Variants in COL5A2 observed in about 807,000 individuals in gnomAD.
COL5A2 encodes collagen alpha-2(V) chain.
In COL5A2, 23 loss-of-function variants were observed where a neutral mutation model predicts 208.2. The ratio of observed to expected loss-of-function variants is 0.11; its 90% CI spans 0.08 to 0.16. The LOEUF (loss-of-function observed/expected upper bound fraction) is 0.16, where lower values mean the gene tolerates loss of function less well. COL5A2 is among the 10% of genes least tolerant of loss of function. COL5A2 has a pLI of 1.00. For missense variants in COL5A2, 1,590 were observed against 1,956.4 expected (o/e 0.81, Z 3.53); for synonymous variants, 625 against 628.5 (o/e 0.99, Z 0.08).
Position 189,051,448 on chromosome 2 carries a change from G to A in COL5A2, c.2803C>T (p.Pro935Ser), listed in dbSNP as rs2105559390. ...APGPAGPLGE[P>S]GKEGPPGLRG... Reference sequence around the variant, plus strand: ...AGACCTGGAGGTCCCTCCTTCCCGGGTTCCCCTAGGGGTCCCGCAGGTCCT... The same window carrying A: ...AGACCTGGAGGTCCCTCCTTCCCGGATTCCCCTAGGGGTCCCGCAGGTCCT... Residue 935 changes from proline to serine, a missense_variant, in exon 42 of 54, where the codon CCC (proline) becomes TCC (serine). By Grantham distance (74) the Pro-to-Ser change is moderately conservative. Transcript: ENST00000374866. 6.2e-7 allele frequency: 1 copy of A among 1,612,274 alleles called. No homozygotes were observed. The highest frequency in any genetic ancestry group is 8.5e-7 in the Non-Finnish European group (1 of 1,179,012).
chr2:189,101,609 C>T (rs1257834231), intron 3 of COL5A2, among the ~76,000 whole-genome samples: 1 of 152,066 alleles, frequency 6.6e-6, no homozygotes, highest in African/African-American at 2.4e-5. Context: ...ACCCATATCA[C>T]CAAATTGTAC....
chr2:189,033,915 T>C lies in COL5A2; in HGVS notation c.*155A>G. The C allele has an allele frequency of 1.1e-6, 1 of 883,934 alleles. No individual in the cohort carries two copies. The highest frequency in any genetic ancestry group is 1.8e-6 in the Non-Finnish European group (1 of 543,926). The allele number at this position is 883,934 out of a possible 1,614,324, so 54.8% of individuals were successfully genotyped here. A position where few individuals can be genotyped will look rare whatever the true frequency, so the allele number is the denominator to read the frequency against. On this transcript the variant is annotated 3_prime_UTR_variant, in exon 54 of 54. Coordinates refer to ENST00000374866, the MANE Select transcript of COL5A2 (RefSeq NM_000393.5). ...TAAGTAAAATAAATATTCTGAAGGA[T>C]AAGGAGGCCAGGCACTTAAGACCAT... is the stretch of plus-strand genomic sequence containing the variant.
chr2:189,353,870 T>C, the COL5A2 span, among the ~76,000 whole-genome samples: 1 of 152,216 alleles, frequency 6.6e-6, no homozygotes, highest in Non-Finnish European at 1.5e-5. Context: ...TTATGCCGGT[T>C]TTCAAAGGGA....
intron 1 of COL5A2, among the ~76,000 whole-genome samples, chr2:189,189,275 G>A (rs1057073568): frequency 1.3e-5 from 2 of 152,040 alleles, no homozygotes; most frequent in Non-Finnish European, 2.9e-5. Flanking sequence ...AATGGGAGAC[G>A]GCCAGCAGTG....
chr2:189,094,006 A>T (rs1324461170), intron 6 of COL5A2, among the ~76,000 whole-genome samples: 1 of 152,244 alleles, frequency 6.6e-6, no homozygotes, highest in Non-Finnish European at 1.5e-5. Context: ...AGAGTTCCAA[A>T]GAGACATACA....
At chr2:189,165,582 A>G (rs1172859558) in intron 1 of COL5A2, among the ~76,000 whole-genome samples, 1 of 152,234 alleles carries the variant, frequency 6.6e-6, no homozygotes, top group Non-Finnish European at 1.5e-5. Context: ...GTGCCCATTA[A>G]GGCCATGCAT....
At chr2:189,208,263 G>A (rs1689165357) in intron 1 of COL5A2, among the ~76,000 whole-genome samples, 1 of 152,132 alleles carries the variant, frequency 6.6e-6, no homozygotes, top group African/African-American at 2.4e-5. Context: ...CAGGAACCAA[G>A]GATGTTTTGT....
At chr2:189,430,031 C>A in the COL5A2 span, among the ~76,000 whole-genome samples, 1 of 152,150 alleles carries the variant, frequency 6.6e-6, no homozygotes, top group Admixed American at 6.5e-5. Flanking sequence ...AATGTATTTA[C>A]TGGCATTGAC....
upstream of COL5A2, chr2:189,179,935 T>G: frequency 1.9e-6 from 1 of 520,078 alleles, no homozygotes. Context: ...GAACTTTCCC[T>G]ATTTCATTTA....
chr2:189,039,816 C>A (rs1312502359), intron 50 of COL5A2, among the ~76,000 whole-genome samples: 3 of 151,908 alleles, frequency 2.0e-5, no homozygotes, highest in African/African-American at 4.8e-5. Flanking sequence ...AAGATCAAAG[C>A]ACAAAATATT....
chr2:189,068,303 A>G (rs535303205), intron 19 of COL5A2, 33 bp from the exon 20 acceptor site: 51 of 1,530,584 alleles, frequency 3.3e-5, no homozygotes, highest in Admixed American at 8.3e-5. Flanking sequence ...GTAATGAAAT[A>G]TTAAGCAATA....
At chr2:189,284,102 TC>T in the COL5A2 span, among the ~76,000 whole-genome samples, 1 of 152,190 alleles carries the variant, frequency 6.6e-6, no homozygotes, top group Non-Finnish European at 1.5e-5. Context: ...ATTGCTTATA[TC>T]ATATATATGA....
intron 50 of COL5A2, among the ~76,000 whole-genome samples, chr2:189,039,909 GTC>G (rs1685522949): frequency 2.0e-5 from 3 of 151,950 alleles, no homozygotes; most frequent in Non-Finnish European, 4.4e-5. Flanking sequence ...AACTATTTTC[GTC>G]AAGGTACAAC....
intron 1 of COL5A2, among the ~76,000 whole-genome samples, chr2:189,172,968 C>CTTTTTTTTTTTTTT (rs11286911): frequency 1.0e-5 from 1 of 96,528 alleles, no homozygotes; most frequent in Non-Finnish European, 2.1e-5. Context: ...TTTTCCTCTT[C>CTTTTTTTTTTTTTT]TTTTTTTTTT....
rs187559774 is a variant in COL5A2, at chr2:189,222,719, C to A, written c.-42+2429G>T. On this transcript the variant is annotated intron_variant, in intron 1 of 10. Transcript: ENST00000649966. ...GCCATTGGACTTTGGCCAAGGCAAACCTGCCTGCTTTCCTCCTCAGAAGGG... is the reference window on the plus strand; with the variant it reads ...GCCATTGGACTTTGGCCAAGGCAAAACTGCCTGCTTTCCTCCTCAGAAGGG... Among the ~76,000 whole-genome samples the A allele has an allele frequency of 3.7e-3, 560 of 152,272 alleles. 1 individual carries two copies. The highest frequency in any genetic ancestry group is 4.4e-3 in the Non-Finnish European group (300 of 68,028).
chr2:189,298,598 A>G, the COL5A2 span, among the ~76,000 whole-genome samples: 4 of 152,184 alleles, frequency 2.6e-5, no homozygotes, highest in African/African-American at 9.7e-5. Context: ...CTCTTATTGT[A>G]TTCTCATTCA....
intron 1 of COL5A2, among the ~76,000 whole-genome samples, chr2:189,176,029 C>G (rs1418779632): frequency 6.6e-6 from 1 of 152,178 alleles, no homozygotes; most frequent in Admixed American, 6.5e-5. Context: ...TTCTGTACCT[C>G]CTTTAAAATG....
chr2:189,354,097 T>C, the COL5A2 span, among the ~76,000 whole-genome samples: 1 of 152,356 alleles, frequency 6.6e-6, no homozygotes. Flanking sequence ...GATTTGTGTA[T>C]GTTGAACCAG....
intron 50 of COL5A2, 87 bp from the exon 51 acceptor site, chr2:189,039,650 G>T: frequency 7.7e-7 from 1 of 1,300,110 alleles, no homozygotes; most frequent in Non-Finnish European, 1.1e-6. Context: ...GAGTTCCAAT[G>T]AGACACTCCA....
Sources: allele counts gnomAD v4.1 joint callset (sites outside exome capture counted in the v4.1 genomes callset), GRCh38; gene constraint gnomAD v4.1.1; transcripts MANE v1.5; gene names NCBI Gene and HGNC (gene_info 2026-07-23, HGNC 2026-07-21).